KLRG1: variants seen among roughly 807,000 people sequenced by gnomAD.
KLRG1 encodes the protein killer cell lectin-like receptor subfamily G member 1.
KLRG1 carries 16 observed loss-of-function variants against 21.8 expected under a neutral mutation model. The ratio of observed to expected loss-of-function variants is 0.73; its 90% CI spans 0.50 to 1.11. The LOEUF (loss-of-function observed/expected upper bound fraction) is 1.11. Ranked by LOEUF, KLRG1 falls within the 50% of genes most tolerant of loss-of-function variation. The probability of loss-of-function intolerance (pLI) is 0.00; values close to 1 mark genes in which losing one functional copy is unlikely to be tolerated. For missense variants in KLRG1, 173 were observed against 218.3 expected, an observed-to-expected ratio of 0.79 and a Z score of 1.31; for synonymous variants, 69 against 75.9, an observed-to-expected ratio of 0.91 and a Z score of 0.47.
At chr12:8,963,538 G>T (rs1403781747) in intron 1 of KLRG1, among the ~76,000 whole-genome samples, 3 of 152,176 alleles carry the variant, frequency 2.0e-5, no homozygotes, top group Non-Finnish European at 2.9e-5. Flanking sequence ...TCAGGATGAT[G>T]CTGGCCTCAT....
the KLRG1 span, chr12:9,127,809 G>A: frequency 9.0e-5 from 20 of 221,056 alleles, no homozygotes; most frequent in South Asian, 3.4e-4. Flanking sequence ...ACAAGGTGCG[G>A]GCTCTGGAGG....
chr12:9,006,197 C>T (rs893855776), intron 3 of KLRG1, among the ~76,000 whole-genome samples: 18 of 152,098 alleles, frequency 1.2e-4, no homozygotes, highest in African/African-American at 3.4e-4. Flanking sequence ...TCATTTTCTT[C>T]GGAAGAGACA....
At chr12:9,201,880 A>C in the KLRG1 span, among the ~76,000 whole-genome samples, 1 of 152,054 alleles carries the variant, frequency 6.6e-6, no homozygotes, top group African/African-American at 2.4e-5. Flanking sequence ...AATTAGCATA[A>C]AAAAGTCTTT....
At chr12:9,015,869 A>G in the KLRG1 span, among the ~76,000 whole-genome samples, 38 of 152,340 alleles carry the variant, frequency 2.5e-4, no homozygotes, top group African/African-American at 8.4e-4. Flanking sequence ...TTTGAAAACT[A>G]TATAAACACA....
chr12:8,986,780 G>T (rs1946848157), upstream of KLRG1, among the ~76,000 whole-genome samples: 2 of 152,264 alleles, frequency 1.3e-5, no homozygotes, highest in South Asian at 4.2e-4. Context: ...TGGAGATGGG[G>T]CCTGGTGGGA....
chr12:9,122,224 G>T, the KLRG1 span, among the ~76,000 whole-genome samples: 1 of 152,132 alleles, frequency 6.6e-6, no homozygotes, highest in Non-Finnish European at 1.5e-5. Flanking sequence ...GAAGCAAGGT[G>T]GGGGAAATGT....
At chr12:9,014,924 TGTTAA>T (rs1475299806), downstream of KLRG1, among the ~76,000 whole-genome samples, 5 of 152,176 alleles carry the variant, frequency 3.3e-5, no homozygotes, top group South Asian at 4.1e-4. Context: ...ATTCAATCAG[TGTTAA>T]GTTGTCATCA....
the KLRG1 span, chr12:9,090,227 T>A: frequency 6.8e-7 from 1 of 1,476,022 alleles, no homozygotes; most frequent in Admixed American, 1.8e-5. Context: ...CATCTTAGAA[T>A]AAAAGGCAAA....
At chr12:9,153,857 G>A in the KLRG1 span, among the ~76,000 whole-genome samples, 1 of 152,198 alleles carries the variant, frequency 6.6e-6, no homozygotes. Flanking sequence ...GGAGGGAAAA[G>A]CCAGACACTC....
the KLRG1 span, chr12:9,099,238 G>T: frequency 1.3e-6 from 1 of 744,628 alleles, no homozygotes; most frequent in Non-Finnish European, 2.2e-6. Flanking sequence ...GCTTCTTAGT[G>T]TGACTCTGCC....
chr12:9,074,599 C>T, the KLRG1 span: 290 of 1,613,464 alleles, frequency 1.8e-4, 4 homozygotes, highest in South Asian at 2.9e-3. Context: ...TCTGCTGCTT[C>T]GTGATCCACT....
chr12:9,181,550 T>C, the KLRG1 span, among the ~76,000 whole-genome samples: 2 of 152,228 alleles, frequency 1.3e-5, no homozygotes, highest in East Asian at 1.9e-4. Flanking sequence ...TAACAAAATA[T>C]AGCTTCTCGG....
At chr12:9,004,000 A>T in intron 3 of KLRG1, among the ~76,000 whole-genome samples, 1 of 150,596 alleles carries the variant, frequency 6.6e-6, no homozygotes. Flanking sequence ...GATGATTTCC[A>T]ATTTCATCCA....
At chr12:8,980,974 G>A (rs908302582) in intron 1 of KLRG1, among the ~76,000 whole-genome samples, 5 of 152,128 alleles carry the variant, frequency 3.3e-5, no homozygotes, top group African/African-American at 1.2e-4. Flanking sequence ...GGGTTACACA[G>A]GTAAAATGCT....
chr12:9,192,756 G>A, the KLRG1 span: 1 of 1,531,306 alleles, frequency 6.5e-7, no homozygotes, highest in Non-Finnish European at 9.0e-7. Context: ...AAACAGAAAA[G>A]CAAAGAAAGA....
At chr12:9,016,155 G>T in the KLRG1 span, among the ~76,000 whole-genome samples, 3 of 151,824 alleles carry the variant, frequency 2.0e-5, no homozygotes, top group African/African-American at 7.3e-5. Context: ...AAATAATAAA[G>T]ATCAGAGGAG....
chr12:9,021,526 G>A, the KLRG1 span, among the ~76,000 whole-genome samples: 1 of 150,088 alleles, frequency 6.7e-6, no homozygotes, highest in Non-Finnish European at 1.5e-5. Flanking sequence ...TCAGCCTCCC[G>A]AGTAGCTGGG....
At chr12:8,983,868 T>C (rs1337845398) in intron 1 of KLRG1, among the ~76,000 whole-genome samples, 1 of 152,184 alleles carries the variant, frequency 6.6e-6, no homozygotes, top group Non-Finnish European at 1.5e-5. Context: ...AGTTTTAGAT[T>C]ATGTTCTTAG....
chr12:9,071,138 A>C, the KLRG1 span, among the ~76,000 whole-genome samples: 1 of 152,142 alleles, frequency 6.6e-6, no homozygotes, highest in African/African-American at 2.4e-5. Flanking sequence ...GCATTTTAAG[A>C]AAGCTCTACA....
Sources: gnomAD v4.1 joint callset for allele counts (sites outside exome capture counted in the v4.1 genomes callset) on GRCh38, gnomAD v4.1.1 for gene constraint, MANE v1.5 for transcripts, NCBI Gene and HGNC (gene_info 2026-07-23, HGNC 2026-07-21) for gene names.